The following APP variants were observed in gnomAD, a reference collection of about 807,000 sequenced individuals.
APP encodes amyloid beta precursor protein, also known as amyloid-beta precursor protein.
APP carries 31 observed loss-of-function variants against 101.4 expected under a neutral mutation model. That is an observed-to-expected ratio of 0.31 (90% CI 0.23 to 0.41). APP has a LOEUF of 0.41. APP is among the 10% of genes least tolerant of loss of function. The pLI, the probability that APP is intolerant of heterozygous loss-of-function variation, is 1.00. For synonymous variants in APP, 366 were observed against 364.4 expected (o/e 1.00, Z -0.05); for missense variants, 839 against 1,003.7 (o/e 0.84, Z 2.22).
chr21:25,989,808 A>C (rs2042785339), intron 8 of APP, among the ~76,000 whole-genome samples: 1 of 152,200 alleles, frequency 6.6e-6, no homozygotes, highest in South Asian at 2.1e-4. Context: ...AAGGAGGATC[A>C]TTTATATATG....
At chr21:26,031,826 C>T (rs181365848) in intron 5 of APP, among the ~76,000 whole-genome samples, 55 of 152,284 alleles carry the variant, frequency 3.6e-4, no homozygotes, top group African/African-American at 1.2e-3. Context: ...CCTTCCAGCA[C>T]GCTCCCCAAA....
At chr21:26,024,094 A>G (rs141916812) in intron 5 of APP, among the ~76,000 whole-genome samples, 5 of 152,338 alleles carry the variant, frequency 3.3e-5, no homozygotes, top group African/African-American at 1.2e-4. Flanking sequence ...CATGGTTGAC[A>G]GCATTTGAAT....
chr21:25,894,510 C>T (rs2037903450), intron 16 of APP, among the ~76,000 whole-genome samples: 1 of 152,148 alleles, frequency 6.6e-6, no homozygotes, highest in Admixed American at 6.5e-5. Context: ...TTCCAACTCT[C>T]ATGGGTGACT....
At chr21:26,152,984 C>T (rs989579910) in intron 1 of APP, among the ~76,000 whole-genome samples, 1 of 152,170 alleles carries the variant, frequency 6.6e-6, no homozygotes. Flanking sequence ...AAAATAATGT[C>T]TTTTGCAACA....
chr21:25,957,588 C>T (rs1439798630), intron 11 of APP, among the ~76,000 whole-genome samples: 1 of 152,054 alleles, frequency 6.6e-6, no homozygotes, highest in Non-Finnish European at 1.5e-5. Context: ...CATGATGTTC[C>T]TTCCTGGCCT....
At chr21:25,944,596 T>C (rs1278658487) in intron 13 of APP, among the ~76,000 whole-genome samples, 1 of 152,230 alleles carries the variant, frequency 6.6e-6, no homozygotes, top group Non-Finnish European at 1.5e-5. Flanking sequence ...TCCCAGTTAG[T>C]GTTTGTGGAA....
intron 9 of APP, among the ~76,000 whole-genome samples, chr21:25,978,618 A>T (rs2042310458): frequency 6.6e-6 from 1 of 152,304 alleles, no homozygotes; most frequent in Non-Finnish European, 1.5e-5. Context: ...ATTTAGTGAC[A>T]GGAGAAAGGG....
Position 26,000,378 on chromosome 21 carries a change from G to C in APP, c.866-196C>G, listed in dbSNP as rs28635874. Among the ~76,000 whole-genome samples the C allele has an allele frequency of 0.071, 10,801 of 152,256 alleles. 1,260 individuals carry two copies. Among genetic ancestry groups the C allele is most frequent in the African/African-American group, 0.24 (10,050 of 41,510 alleles). On this transcript the variant is annotated intron_variant, in intron 6 of 17. Coordinates refer to ENST00000346798, the MANE Select transcript of APP (RefSeq NM_000484.4). ...ATTTACACCTCTCAGAGCATGCACT[G>C]TCATCTGGTTTAATGAGTGCAGGAC...
chr21:26,023,530 T>C (rs1364991028), intron 5 of APP, among the ~76,000 whole-genome samples: 1 of 143,410 alleles, frequency 7.0e-6, no homozygotes, highest in Middle Eastern at 3.6e-3. Context: ...ACAAAGACAC[T>C]GCCTCCTTAA....
chr21:26,017,955 A>AT (rs1354630828), intron 6 of APP, among the ~76,000 whole-genome samples: 2 of 151,532 alleles, frequency 1.3e-5, no homozygotes, highest in African/African-American at 2.4e-5. Context: ...TTTTATTTTT[A>AT]TTTTTTTGAG....
At chr21:26,100,538 T>C (rs1258065499) in intron 2 of APP, among the ~76,000 whole-genome samples, 1 of 152,256 alleles carries the variant, frequency 6.6e-6, no homozygotes, top group East Asian at 1.9e-4. Flanking sequence ...CTCTGTTGTT[T>C]GCTTTTTATT....
chr21:25,968,487 C>T (rs2041883697), intron 11 of APP, among the ~76,000 whole-genome samples: 1 of 151,974 alleles, frequency 6.6e-6, no homozygotes, highest in East Asian at 1.9e-4. Context: ...AATACATGTG[C>T]CTATATATGT....
At chr21:25,908,221 AT>A (rs1288822331) in intron 14 of APP, among the ~76,000 whole-genome samples, 4 of 152,248 alleles carry the variant, frequency 2.6e-5, no homozygotes, top group Non-Finnish European at 5.9e-5. Context: ...CTAGCCATTC[AT>A]TTAGGTTTTG....
At position 26,118,883 on chromosome 21, in the gene APP, GGAAAAAAAAAT is replaced by G. The variant is rs1368272901; in HGVS notation, c.58-6748_58-6738del. 3.2e-4 allele frequency among the ~76,000 whole-genome samples: 39 copies of G among 121,072 alleles called. No individual in the cohort carries two copies. In the South Asian group the frequency reaches 5.4e-3, roughly 17 times the overall value. The allele number at this position is 121,072 out of a possible 152,430, so 79.4% of individuals were successfully genotyped here. On this transcript the variant is annotated intron_variant, in intron 1 of 17. Coordinates refer to ENST00000346798, the MANE Select transcript of APP (RefSeq NM_000484.4). ...GACATGTCTCATACAGTCACCAAAG[GGAAAAAAAAAT>G]GAAAAAAAAATATATATATAGTATT...
At chr21:25,913,667 A>G (rs1289018183) in intron 13 of APP, among the ~76,000 whole-genome samples, 1 of 152,218 alleles carries the variant, frequency 6.6e-6, no homozygotes, top group Non-Finnish European at 1.5e-5. Context: ...CCCAGGGGCT[A>G]CGCTGTTCTT....
intron 2 of APP, among the ~76,000 whole-genome samples, chr21:26,098,226 T>A (rs1427365946): frequency 6.7e-6 from 1 of 150,236 alleles, no homozygotes; most frequent in African/African-American, 2.4e-5. Context: ...AAGCTTATCA[T>A]CGGTAGCCTA....
At chr21:25,966,704 T>C (rs2041810087) in intron 11 of APP, among the ~76,000 whole-genome samples, 1 of 152,210 alleles carries the variant, frequency 6.6e-6, no homozygotes, top group Admixed American at 6.5e-5. Flanking sequence ...CGAAAAGTGA[T>C]GGGTAGAAAT....
Sources: allele counts gnomAD v4.1 joint callset (sites outside exome capture counted in the v4.1 genomes callset), GRCh38; gene constraint gnomAD v4.1.1; transcripts MANE v1.5; gene names NCBI Gene and HGNC (gene_info 2026-07-23, HGNC 2026-07-21).